The following PRKN variants were observed in gnomAD, a reference collection of about 807,000 sequenced individuals.
PRKN encodes E3 ubiquitin-protein ligase parkin.
PRKN carries 56 observed loss-of-function variants against 59.5 expected under a neutral mutation model. That is an observed-to-expected ratio of 0.94 (90% confidence interval 0.76 to 1.18). The LOEUF (loss-of-function observed/expected upper bound fraction) is 1.18. PRKN is among the 50% of genes most tolerant of loss of function. The probability of loss-of-function intolerance (pLI) is 0.00; values close to 1 mark genes in which losing one functional copy is unlikely to be tolerated. For synonymous variants in PRKN, 250 were observed against 222.1 expected (o/e 1.13, Z -1.12); for missense variants, 657 against 596.4 (o/e 1.10, Z -1.06).
At chr6:161,535,320 C>CA (rs1562510842) in intron 9 of PRKN, among the ~76,000 whole-genome samples, 11 of 151,722 alleles carry the variant, frequency 7.3e-5, no homozygotes, top group Non-Finnish European at 8.8e-5. Context: ...TATATTGTTA[C>CA]AAAAAAAGAT....
At chr6:162,250,369 A>G (rs116886442) in intron 3 of PRKN, among the ~76,000 whole-genome samples, 3,896 of 152,254 alleles carry the variant, frequency 0.026, 88 homozygotes, top group Non-Finnish European at 0.041. Context: ...CATCCAGTGT[A>G]ACAGATAACC....
chr6:162,354,184 C>T (rs1382483027), intron 2 of PRKN, among the ~76,000 whole-genome samples: 4 of 152,224 alleles, frequency 2.6e-5, no homozygotes, highest in African/African-American at 9.6e-5. Context: ...GGTATACACA[C>T]CATTCCTTGA....
In PRKN at chr6:162,464,468, C is replaced by T. The variant is rs73606378; in HGVS notation, c.8-20995G>A. 4.0e-3 allele frequency among the ~76,000 whole-genome samples: 608 copies of T among 151,964 alleles called. 8 individuals carry two copies. The highest frequency in any genetic ancestry group is 0.014 in the African/African-American group (581 of 41,450). On this transcript the variant is annotated intron_variant, in intron 1 of 11. Coordinates refer to ENST00000366898, the MANE Select transcript of PRKN (RefSeq NM_004562.3). ...ATTCTAAAGTTTTCCTAAAATATAG[C>T]ACTAATATGTAATGGAGCAAACTTT...
At chr6:162,167,537 T>G (rs1783042714) in intron 4 of PRKN, among the ~76,000 whole-genome samples, 1 of 151,972 alleles carries the variant, frequency 6.6e-6, no homozygotes, top group Admixed American at 6.6e-5. Flanking sequence ...AGAAAAGTAA[T>G]TAATTTCCAC....
chr6:161,922,985 G>T (rs9365353), intron 6 of PRKN, among the ~76,000 whole-genome samples: 40,023 of 151,996 alleles, frequency 0.26, 5,442 homozygotes, highest in Middle Eastern at 0.36. Flanking sequence ...TTATGTCCTG[G>T]TGCTGCCACC....
At chr6:162,622,103 G>A (rs1044664642) in intron 1 of PRKN, among the ~76,000 whole-genome samples, 4 of 151,222 alleles carry the variant, frequency 2.6e-5, no homozygotes, top group Admixed American at 1.3e-4. Flanking sequence ...TTGAGCCACC[G>A]CACCCAGCCT....
chr6:162,605,973 C>G lies in PRKN; in HGVS notation c.7+121689G>C, dbSNP rs144948328. Among the ~76,000 whole-genome samples the G allele has an allele frequency of 8.3e-3, 1,271 of 152,254 alleles. 15 individuals carry two copies. Among genetic ancestry groups the G allele is most frequent in the African/African-American group, 0.029 (1,197 of 41,560 alleles). On this transcript the variant is annotated intron_variant, in intron 1 of 11. Transcript: ENST00000366898. ...AAAATTTTATGTAACCAAAATGCCA[C>G]TGAATTCAAATGCAGAGATTCAAAG...
At chr6:161,382,053 A>C (rs996168499) in intron 10 of PRKN, among the ~76,000 whole-genome samples, 7 of 146,386 alleles carry the variant, frequency 4.8e-5, no homozygotes, top group African/African-American at 1.8e-4. Context: ...CAGAGCTTGC[A>C]GTGAGCCAAG....
chr6:162,511,727 T>G (rs879618042), intron 1 of PRKN, among the ~76,000 whole-genome samples: 6 of 152,124 alleles, frequency 3.9e-5, no homozygotes, highest in Admixed American at 2.6e-4. Flanking sequence ...ATTCTTGTAT[T>G]AAGACTCCAA....
chr6:162,325,475 G>A (rs926057196), intron 2 of PRKN, among the ~76,000 whole-genome samples: 1 of 152,086 alleles, frequency 6.6e-6, no homozygotes, highest in Non-Finnish European at 1.5e-5. Flanking sequence ...GATTGGGAAC[G>A]CTGCCTCAGA....
At chr6:162,432,715 T>C (rs1221651456) in intron 2 of PRKN, among the ~76,000 whole-genome samples, 1 of 152,214 alleles carries the variant, frequency 6.6e-6, no homozygotes, top group Non-Finnish European at 1.5e-5. Context: ...TATAACTATT[T>C]AAGTGGGTCT....
chr6:161,979,802 G>A (rs1386401843), intron 5 of PRKN, among the ~76,000 whole-genome samples: 1 of 152,130 alleles, frequency 6.6e-6, no homozygotes, highest in African/African-American at 2.4e-5. Flanking sequence ...GGGGAGAAGA[G>A]CAGGAAGATG....
chr6:161,948,074 C>T (rs1300080992), intron 6 of PRKN, among the ~76,000 whole-genome samples: 1 of 152,130 alleles, frequency 6.6e-6, no homozygotes, highest in African/African-American at 2.4e-5. Context: ...CAACCTCCAC[C>T]TCCCAGGTTC....
At chr6:162,021,670 TG>T (rs1230437591) in intron 5 of PRKN, among the ~76,000 whole-genome samples, 1 of 152,100 alleles carries the variant, frequency 6.6e-6, no homozygotes, top group Non-Finnish European at 1.5e-5. Context: ...TCCCTACTTC[TG>T]GGATGGGTTG....
intron 3 of PRKN, among the ~76,000 whole-genome samples, chr6:162,213,649 T>C (rs1266626355): frequency 6.6e-6 from 1 of 152,046 alleles, no homozygotes; most frequent in Non-Finnish European, 1.5e-5. Flanking sequence ...GTGGGAGAAT[T>C]GCTTGAGCCT....
At chr6:162,379,163 G>GT (rs1786286660) in intron 2 of PRKN, among the ~76,000 whole-genome samples, 1 of 152,036 alleles carries the variant, frequency 6.6e-6, no homozygotes, top group African/African-American at 2.4e-5. Context: ...TTGGCCTAAA[G>GT]TTTTGCTTGA....
rs192343364 is a variant in PRKN, at chr6:162,703,062, C to T, written c.7+24600G>A. Among the ~76,000 whole-genome samples the T allele has an allele frequency of 1.7e-3, 253 of 152,198 alleles. 1 individual carries two copies. The highest frequency in any genetic ancestry group is 3.2e-3 in the Non-Finnish European group (215 of 67,988). On this transcript the variant is annotated intron_variant, in intron 1 of 11. Coordinates refer to ENST00000366898, the MANE Select transcript of PRKN (RefSeq NM_004562.3). ...TTGATAGTATTCTAGGTGTTGATTACTAGGAAAATCTTATTTTACATTGTA... is the reference window on the plus strand; with the variant it reads ...TTGATAGTATTCTAGGTGTTGATTATTAGGAAAATCTTATTTTACATTGTA...
At chr6:162,422,341 C>T (rs980275153) in intron 2 of PRKN, among the ~76,000 whole-genome samples, 1 of 152,164 alleles carries the variant, frequency 6.6e-6, no homozygotes, top group Non-Finnish European at 1.5e-5. Context: ...TAGTATACAA[C>T]AGTAACATTG....
chr6:161,505,728 T>A (rs150130316), intron 9 of PRKN, among the ~76,000 whole-genome samples: 1 of 70,900 alleles, frequency 1.4e-5, no homozygotes, highest in African/African-American at 6.4e-5. Context: ...GGATCCAGTT[T>A]CAGCTTTCTA....
Sources: allele counts gnomAD v4.1 joint callset (sites outside exome capture counted in the v4.1 genomes callset), GRCh38; gene constraint gnomAD v4.1.1; transcripts MANE v1.5; gene names NCBI Gene and HGNC (gene_info 2026-07-23, HGNC 2026-07-21).